Variants in BPIFB1 observed in about 807,000 individuals in gnomAD.
BPIFB1 encodes BPI fold-containing family B member 1.
A neutral mutation model predicts 55.1 loss-of-function variants in BPIFB1; 34 were observed. The ratio of observed to expected loss-of-function variants is 0.62; its 90% CI spans 0.47 to 0.82. BPIFB1 has a LOEUF of 0.82. Ranked by LOEUF, BPIFB1 falls within the 40% of genes least tolerant of loss-of-function variation. The pLI, the probability that BPIFB1 is intolerant of heterozygous loss-of-function variation, is 0.00. For missense variants in BPIFB1, 532 were observed against 593.1 expected, an observed-to-expected ratio of 0.90 and a Z score of 1.07; for synonymous variants, 236 against 245.3, an observed-to-expected ratio of 0.96 and a Z score of 0.35.
At chr20:33,294,262 C>T (rs554159109) in intron 6 of BPIFB1, among the ~76,000 whole-genome samples, 173 of 152,242 alleles carry the variant, frequency 1.1e-3, no homozygotes, top group African/African-American at 4.0e-3. Flanking sequence ...ATTCAAGCTA[C>T]CTTTCTCCAG....
Position 33,288,982 on chromosome 20 carries a change from G to C in BPIFB1, c.257+100G>C, listed in dbSNP as rs554963845. On this transcript the variant is annotated intron_variant, in intron 3 of 15. Transcript: ENST00000253354. ...TCAACCAGTCTGCAAGCATCGACTT[G>C]TGTCAGATCACAAAGAGTGGATCAA... is the stretch of plus-strand genomic sequence containing the variant. 16 of 1,358,396 alleles carry C rather than the reference G, an allele frequency of 1.2e-5. No individual in the cohort carries two copies. The South Asian group carries it at 2.3e-4, about 20-fold the overall frequency. 84.1% of individuals were successfully genotyped at this position (1,358,396 alleles called of 1,614,324 possible).
chr20:33,304,924 G>A, intron 13 of BPIFB1, 33 bp downstream of exon 13: 3 of 1,609,838 alleles, frequency 1.9e-6, no homozygotes, highest in Non-Finnish European at 2.6e-6. Flanking sequence ...TGAGGGCACA[G>A]GGGGTGGCCT....
intron 12 of BPIFB1, among the ~76,000 whole-genome samples, chr20:33,304,336 C>T (rs1426226700): frequency 6.6e-6 from 1 of 152,212 alleles, no homozygotes; most frequent in Non-Finnish European, 1.5e-5. Context: ...GCCTCCTGCA[C>T]CCTGCCTGTT....
intron 2 of BPIFB1, among the ~76,000 whole-genome samples, chr20:33,288,373 C>T (rs1980338667): frequency 6.6e-6 from 1 of 152,186 alleles, no homozygotes; most frequent in African/African-American, 2.4e-5. Context: ...CAGCCCCAAA[C>T]AGAGTTTTGA....
intron 11 of BPIFB1, among the ~76,000 whole-genome samples, chr20:33,303,559 C>T (rs998316604): frequency 6.6e-5 from 10 of 152,134 alleles, no homozygotes; most frequent in African/African-American, 1.4e-4. Context: ...GCAAACATCT[C>T]AGGGCTGACT....
rs61739245 is a variant in BPIFB1 at position 33,289,907 on chromosome 20, A to T, written c.280A>T (p.Ile94Phe). The T allele has an allele frequency of 0.018, 28,339 of 1,614,104 alleles. 280 individuals carry two copies. Among genetic ancestry groups the T allele is most frequent in the Middle Eastern group, 0.026 (160 of 6,058 alleles). ...CAGGCTGAAGGTCATCACAGCTAAC[A>T]TCCTCCAGCTGCAGGTGAAGCCCTC... Reference protein sequence around the residue: ...IIWLKVITANILQLQVKPSAN... With the variant: ...IIWLKVITANFLQLQVKPSAN... The change falls in exon 4 of 16, where the codon ATC becomes TTC. Residue 94 changes from isoleucine to phenylalanine, a missense_variant. Ile to Phe is a conservative substitution (Grantham distance 21). Coordinates refer to ENST00000253354, the MANE Select transcript of BPIFB1 (RefSeq NM_033197.3).
At chr20:33,302,884 G>C (rs769082136) in intron 10 of BPIFB1, 32 bp from the exon 11 acceptor site, 2 of 1,609,794 alleles carry the variant, frequency 1.2e-6, no homozygotes, top group South Asian at 2.2e-5. Flanking sequence ...TGGGCACTTG[G>C]GAGGCCACAT....
rs908993778 is a variant in BPIFB1, at chr20:33,309,201, C to T, written c.1396-507C>T. On this transcript the variant is annotated intron_variant, in intron 15 of 15. Coordinates refer to ENST00000253354, the MANE Select transcript of BPIFB1 (RefSeq NM_033197.3). The surrounding 1 kb of genome is among the most constrained non-coding windows in gnomAD (Gnocchi z 4.4). ...CCTTAAGAAGAACAGCTCACAGTCA[C>T]TGTGTGCCAGGCTCTGGGGCATCTC... 6.6e-6 allele frequency among the ~76,000 whole-genome samples: 1 copy of T among 152,188 alleles called. No individual in the cohort carries two copies. Among genetic ancestry groups the T allele is most frequent in the Non-Finnish European group, 1.5e-5 (1 of 68,036 alleles).
intron 1 of BPIFB1, 58 bp from the exon 2 acceptor site, chr20:33,285,975 G>A (rs1174049520): frequency 3.4e-5 from 38 of 1,101,592 alleles, no homozygotes; most frequent in Admixed American, 5.5e-5. Flanking sequence ...CCAGGTCACC[G>A]GGCATCATGG....
At position 33,302,390 on chromosome 20, in the gene BPIFB1, G is replaced by A. The variant is rs1431147936; in HGVS notation, c.959G>A (p.Ser320Asn). The change falls in exon 10 of 16, where the codon AGC becomes AAC. Residue 320 changes from serine to asparagine, a missense_variant. Coordinates refer to ENST00000253354, the MANE Select transcript of BPIFB1 (RefSeq NM_033197.3). ...LPESAHRLKS[S>N]IGLINEKAAD... ...GAGAGTGCCCATCGGCTGAAGTCAA[G>A]CATCGGGCTGATCAATGAAAAGGTT... is the stretch of plus-strand genomic sequence containing the variant. 2 of 1,613,968 alleles carry A rather than the reference G, an allele frequency of 1.2e-6. No individual in the cohort carries two copies.
In BPIFB1 at chr20:33,288,866, C is replaced by A. The variant is rs753327528; in HGVS notation, c.241C>A (p.Leu81Met). 3 of 1,613,542 alleles carry A rather than the reference C, an allele frequency of 1.9e-6. No homozygotes were observed. Among genetic ancestry groups the A allele is most frequent in the Non-Finnish European group, 2.5e-6 (3 of 1,179,974 alleles). Residue 81 changes from leucine to methionine, a missense_variant, in exon 3 of 16, where the codon CTG (leucine) becomes ATG (methionine). Transcript: ENST00000253354. The stretch of plus-strand genomic sequence containing the variant: ...GCTGGGCAGCCTGGTGAACACCGTC[C>A]TGAAGCACATCATCTGGTGAGTGGA... The part of the protein sequence containing the change: ...PVLGSLVNTV[L>M]KHIIWLKVIT...
chr20:33,288,854 G>A lies in BPIFB1; in HGVS notation c.229G>A (p.Val77Met), dbSNP rs750095021. 2 of 1,613,748 alleles carry A rather than the reference G, an allele frequency of 1.2e-6. No homozygotes were observed. Among genetic ancestry groups the A allele is most frequent in the South Asian group, 1.1e-5 (1 of 91,062 alleles). The change falls in exon 3 of 16, where the codon GTG becomes ATG. Residue 77 changes from valine to methionine, a missense_variant. By Grantham distance (21) the Val-to-Met change is conservative. Transcript: ENST00000253354. ...AGGIPVLGSL[V>M]NTVLKHIIWL... ...AGGCATCCCTGTGCTGGGCAGCCTGGTGAACACCGTCCTGAAGCACATCAT... is the reference window on the plus strand; with the variant it reads ...AGGCATCCCTGTGCTGGGCAGCCTGATGAACACCGTCCTGAAGCACATCAT...
intron 7 of BPIFB1, 91 bp downstream of exon 7, chr20:33,297,679 AGGCC>A (rs1373605491): frequency 1.5e-6 from 2 of 1,354,132 alleles, no homozygotes. Flanking sequence ...TCCCCAAGTC[AGGCC>A]TGAGCTGCAA....
chr20:33,285,312 A>T (rs1332062704), intron 1 of BPIFB1, among the ~76,000 whole-genome samples: 1 of 152,140 alleles, frequency 6.6e-6, no homozygotes, highest in Non-Finnish European at 1.5e-5. Flanking sequence ...AGGTGAGGTC[A>T]GCAGACGGTG....
At chr20:33,288,633 C>A in intron 2 of BPIFB1, 108 bp from the exon 3 acceptor site, 3 of 1,353,898 alleles carry the variant, frequency 2.2e-6, no homozygotes, top group Non-Finnish European at 3.1e-6. Context: ...TACACCCTCG[C>A]CTTACCTCAG....
In BPIFB1 at chr20:33,291,974, C is replaced by G. The variant is rs1980487215; in HGVS notation, c.583C>G (p.Leu195Val). The change falls in exon 6 of 16, where the codon CTA (leucine) becomes GTA (valine). Residue 195 changes from leucine (L) to valine (V), a missense_variant. Physicochemically the swap from Leu to Val is conservative, Grantham distance 32. Coordinates refer to ENST00000253354, the MANE Select transcript of BPIFB1 (RefSeq NM_033197.3). ...CCTCCTAGTGCCATCCCTGCCCAAT[C>G]TAGTGAAAAACCAGGTGAGTGGAAT... Reference protein sequence around the residue: ...MNLLVPSLPNLVKNQLCPVIE... With the variant: ...MNLLVPSLPNVVKNQLCPVIE... The G allele has an allele frequency of 6.2e-7, 1 of 1,614,242 alleles. No homozygotes were observed. The highest frequency in any genetic ancestry group is 1.1e-5 in the South Asian group (1 of 91,088).
chr20:33,306,722 GC>G, intron 14 of BPIFB1, 188 bp from the exon 15 acceptor site: 1 of 604,652 alleles, frequency 1.7e-6, no homozygotes, highest in Non-Finnish European at 3.0e-6. Context: ...AGAAGCCAGT[GC>G]CAGAGGCAAA....
At position 33,288,730 on chromosome 20, in the gene BPIFB1, T is replaced by G. The variant is rs1024530387; in HGVS notation, c.116-11T>G. 2.5e-6 allele frequency: 4 copies of G among 1,610,156 alleles called. No individual in the cohort carries two copies. Among genetic ancestry groups the G allele is most frequent in the Non-Finnish European group, 3.4e-6 (4 of 1,178,354 alleles). ...TCCTCCTGGGCCCTAATCCCTGGGG[T>G]CTGCCTCCAGAGCTGACACAGGAGC... On this transcript the variant is annotated splice_polypyrimidine_tract_variant and intron_variant, in intron 2 of 15. Transcript: ENST00000253354.
chr20:33,309,579 C>A lies in BPIFB1; in HGVS notation c.1396-129C>A. The stretch of plus-strand genomic sequence containing the variant: ...CTCCACCCCGACCCTTCTAAGAATT[C>A]TGTATTTGTGGGTTCAGGGTCATGG... On this transcript the variant is annotated intron_variant, in intron 15 of 15. Coordinates refer to ENST00000253354, the MANE Select transcript of BPIFB1 (RefSeq NM_033197.3). The surrounding 1 kb of genome is among the most constrained non-coding windows in gnomAD (Gnocchi z 4.4). 1.2e-6 allele frequency: 1 copy of A among 809,116 alleles called. No individual in the cohort carries two copies. Among genetic ancestry groups the A allele is most frequent in the Non-Finnish European group, 2.1e-6 (1 of 485,500 alleles). The allele number at this position is 809,116 out of a possible 1,614,324, so 50.1% of individuals were successfully genotyped here. A position where few individuals can be genotyped will look rare whatever the true frequency, so the allele number is the denominator to read the frequency against.
Sources: allele counts gnomAD v4.1 joint callset (sites outside exome capture counted in the v4.1 genomes callset), GRCh38; gene constraint gnomAD v4.1.1; non-coding constraint Gnocchi (gnomAD v3.1); transcripts MANE v1.5; gene names NCBI Gene and HGNC (gene_info 2026-07-23, HGNC 2026-07-21).